FIGN: variants seen among roughly 807,000 people sequenced by gnomAD.
FIGN encodes fidgetin.
FIGN carries 11 observed loss-of-function variants against 51.3 expected under a neutral mutation model. The ratio of observed to expected loss-of-function variants is 0.21; its 90% CI spans 0.13 to 0.35. The LOEUF (loss-of-function observed/expected upper bound fraction) is 0.35, where lower values mean the gene tolerates loss of function less well. Among genes scored for constraint, FIGN ranks in the 10% least tolerant of loss-of-function variants. The pLI, the probability that FIGN is intolerant of heterozygous loss-of-function variation, is 1.00. For synonymous variants in FIGN, 407 were observed against 363.2 expected (o/e 1.12, Z -1.37); for missense variants, 857 against 943.6 (o/e 0.91, Z 1.20).
chr2:163,667,943 A>G (rs1235964005), intron 2 of FIGN, among the ~76,000 whole-genome samples: 1 of 151,674 alleles, frequency 6.6e-6, no homozygotes, highest in Non-Finnish European at 1.5e-5. Flanking sequence ...ACAAGCAAAC[A>G]TTCATTCACT....
At chr2:163,693,923 G>A (rs538716052) in intron 2 of FIGN, among the ~76,000 whole-genome samples, 24 of 152,190 alleles carry the variant, frequency 1.6e-4, no homozygotes, top group Middle Eastern at 6.8e-3. Context: ...TAGCTGTTCC[G>A]GAACTTTAGA....
At chr2:163,621,168 T>C (rs183905220) in intron 2 of FIGN, among the ~76,000 whole-genome samples, 2 of 152,310 alleles carry the variant, frequency 1.3e-5, no homozygotes. Context: ...AAGAATGTTA[T>C]TCACATGTTG....
At chr2:163,717,796 T>G (rs528721431) in intron 2 of FIGN, among the ~76,000 whole-genome samples, 3 of 152,320 alleles carry the variant, frequency 2.0e-5, no homozygotes, top group Admixed American at 2.0e-4. Flanking sequence ...GAACACTGGC[T>G]GCTTGGTACT....
intron 2 of FIGN, among the ~76,000 whole-genome samples, chr2:163,625,531 G>A (rs950484200): frequency 8.6e-5 from 13 of 151,940 alleles, no homozygotes; most frequent in Non-Finnish European, 1.8e-4. Flanking sequence ...GGTCATGAGA[G>A]TTAGCTAGGC....
Position 163,655,804 on chromosome 2 carries a change from C to CAGAGAGAGAG in FIGN, c.26-44008_26-43999dup, listed in dbSNP as rs3058760. ...ACACACGCACACACACACACACACA[C>CAGAGAGAGAG]AGAGAGAGAGAGAGAGAGAGAGAGC... is the stretch of plus-strand genomic sequence containing the variant. On this transcript the variant is annotated intron_variant, in intron 2 of 2. Coordinates refer to ENST00000333129, the MANE Select transcript of FIGN (RefSeq NM_018086.4). Among the ~76,000 whole-genome samples, 117 of 145,850 alleles carry CAGAGAGAGAG rather than the reference C, an allele frequency of 8.0e-4. 1 individual carries two copies. Among genetic ancestry groups the CAGAGAGAGAG allele is most frequent in the African/African-American group, 2.9e-3 (114 of 39,476 alleles).
At chr2:163,644,855 A>C (rs1168525114) in intron 2 of FIGN, among the ~76,000 whole-genome samples, 1 of 152,220 alleles carries the variant, frequency 6.6e-6, no homozygotes, top group African/African-American at 2.4e-5. Context: ...ATTAGATGAA[A>C]TGCCCAGAAA....
intron 2 of FIGN, among the ~76,000 whole-genome samples, chr2:163,613,047 T>C (rs923435878): frequency 1.2e-4 from 19 of 152,096 alleles, no homozygotes; most frequent in African/African-American, 4.1e-4. Context: ...ATAATTTGAA[T>C]TTTAAATTGT....
chr2:163,637,375 T>A (rs1193782486), intron 2 of FIGN, among the ~76,000 whole-genome samples: 1 of 152,238 alleles, frequency 6.6e-6, no homozygotes, highest in Non-Finnish European at 1.5e-5. Context: ...AGTTTTTTAC[T>A]TTGCCTAATA....
chr2:163,719,755 C>T (rs559481273), intron 2 of FIGN, among the ~76,000 whole-genome samples: 2 of 152,144 alleles, frequency 1.3e-5, no homozygotes, highest in South Asian at 2.1e-4. Flanking sequence ...TAAAGAAAAA[C>T]GAAGAATCAC....
intron 2 of FIGN, among the ~76,000 whole-genome samples, chr2:163,703,423 A>T (rs746717934): frequency 6.6e-6 from 1 of 152,094 alleles, no homozygotes; most frequent in Non-Finnish European, 1.5e-5. Flanking sequence ...TGTAGGGGAG[A>T]GGAATTAAAA....
chr2:163,644,841 T>C (rs558147922), intron 2 of FIGN, among the ~76,000 whole-genome samples: 2 of 152,254 alleles, frequency 1.3e-5, no homozygotes, highest in African/African-American at 2.4e-5. Context: ...CATTATATGA[T>C]TTGATTAGAT....
chr2:163,664,244 A>G (rs1461720436), intron 2 of FIGN, among the ~76,000 whole-genome samples: 1 of 152,156 alleles, frequency 6.6e-6, no homozygotes, highest in Non-Finnish European at 1.5e-5. Context: ...GAACAATGAC[A>G]GTTGAAGATC....
chr2:163,626,674 G>C (rs563372134), intron 2 of FIGN, among the ~76,000 whole-genome samples: 3 of 152,208 alleles, frequency 2.0e-5, no homozygotes, highest in Admixed American at 2.0e-4. Flanking sequence ...AATAAGGGCT[G>C]GGTAAAGTAA....
chr2:163,642,050 C>T (rs901486930), intron 2 of FIGN, among the ~76,000 whole-genome samples: 13 of 152,190 alleles, frequency 8.5e-5, no homozygotes, highest in African/African-American at 3.1e-4. Flanking sequence ...ACCTGATAGA[C>T]TCATTTGGTT....
intron 2 of FIGN, among the ~76,000 whole-genome samples, chr2:163,629,868 T>C (rs1000050880): frequency 6.7e-6 from 1 of 149,598 alleles, no homozygotes; most frequent in African/African-American, 2.5e-5. Context: ...TGAGAATTGA[T>C]GGAACAGATT....
intron 2 of FIGN, among the ~76,000 whole-genome samples, chr2:163,623,590 C>G (rs1683006102): frequency 6.6e-6 from 1 of 152,142 alleles, no homozygotes. Flanking sequence ...AATGGTGAGT[C>G]ATAGGTCTAA....
At chr2:163,710,120 T>A (rs1684564460) in intron 2 of FIGN, among the ~76,000 whole-genome samples, 1 of 152,202 alleles carries the variant, frequency 6.6e-6, no homozygotes, top group African/African-American at 2.4e-5. Context: ...GTCAAAGTAG[T>A]GCTATCAATT....
At chr2:163,725,635 T>C (rs1684827638) in intron 2 of FIGN, among the ~76,000 whole-genome samples, 2 of 152,188 alleles carry the variant, frequency 1.3e-5, no homozygotes, top group East Asian at 1.9e-4. Flanking sequence ...CTGTCCTTAC[T>C]AGATATCTTT....
At chr2:163,681,120 G>A (rs542537499) in intron 2 of FIGN, among the ~76,000 whole-genome samples, 31 of 152,208 alleles carry the variant, frequency 2.0e-4, no homozygotes, top group Admixed American at 5.2e-4. Context: ...AATACAAGTC[G>A]AAATCTAGGG....
Sources: gnomAD v4.1 joint callset for allele counts (sites outside exome capture counted in the v4.1 genomes callset) on GRCh38, gnomAD v4.1.1 for gene constraint, MANE v1.5 for transcripts, NCBI Gene and HGNC (gene_info 2026-07-23, HGNC 2026-07-21) for gene names.